NLGN1: variants seen among roughly 807,000 people sequenced by gnomAD.
The protein encoded by NLGN1 is neuroligin 1, also known as neuroligin-1.
Under a neutral mutation model 65.5 loss-of-function variants are expected in NLGN1, and 12 were observed. That is an observed-to-expected ratio of 0.18 (90% CI 0.12 to 0.30). NLGN1 has a LOEUF of 0.30. Ranked by LOEUF, NLGN1 falls within the 10% of genes least tolerant of loss-of-function variation. The pLI is 1.00. For synonymous variants in NLGN1, 350 were observed against 359.5 expected, an observed-to-expected ratio of 0.97 and a Z score of 0.30; for missense variants, 750 against 1,007.1, an observed-to-expected ratio of 0.74 and a Z score of 3.46.
At chr3:173,900,352 A>C (rs1042872182) in intron 4 of NLGN1, among the ~76,000 whole-genome samples, 11 of 152,032 alleles carry the variant, frequency 7.2e-5, no homozygotes, top group African/African-American at 2.7e-4. Context: ...GTTACAGTAG[A>C]GATGTGAATA....
chr3:173,706,113 A>G (rs971475126), intron 3 of NLGN1, among the ~76,000 whole-genome samples: 1 of 152,212 alleles, frequency 6.6e-6, no homozygotes, highest in Non-Finnish European at 1.5e-5. Context: ...AGTGTTAAAT[A>G]GAGCATGAGA....
intron 4 of NLGN1, among the ~76,000 whole-genome samples, chr3:173,968,575 A>C (rs969939728): frequency 1.3e-5 from 2 of 151,976 alleles, no homozygotes; most frequent in Non-Finnish European, 2.9e-5. Context: ...ACTTTATAGC[A>C]AGAATATATA....
chr3:174,267,587 T>C (rs1182796929), intron 4 of NLGN1, among the ~76,000 whole-genome samples: 1 of 152,110 alleles, frequency 6.6e-6, no homozygotes, highest in African/African-American at 2.4e-5. Context: ...TGTCCTCTTA[T>C]CTCATCTCGG....
chr3:173,506,652 C>A (rs1732086917), intron 2 of NLGN1, among the ~76,000 whole-genome samples: 1 of 152,052 alleles, frequency 6.6e-6, no homozygotes, highest in Non-Finnish European at 1.5e-5. Flanking sequence ...TATAAATACC[C>A]ATATTACATT....
At chr3:173,493,906 T>G (rs1729588874) in intron 2 of NLGN1, among the ~76,000 whole-genome samples, 1 of 151,772 alleles carries the variant, frequency 6.6e-6, no homozygotes, top group Admixed American at 6.6e-5. Flanking sequence ...TTCTAAAAAT[T>G]TATTAAAATT....
intron 1 of NLGN1, among the ~76,000 whole-genome samples, chr3:173,404,044 C>A (rs373590788): frequency 2.0e-5 from 3 of 152,156 alleles, no homozygotes; most frequent in African/African-American, 7.2e-5. Flanking sequence ...TATGGAGATA[C>A]ATATTGTAGT....
At chr3:173,517,872 C>T (rs1734107758) in intron 2 of NLGN1, among the ~76,000 whole-genome samples, 1 of 151,866 alleles carries the variant, frequency 6.6e-6, no homozygotes, top group South Asian at 2.1e-4. Flanking sequence ...TCATGAAGTT[C>T]CAATATATAG....
At chr3:173,508,627 C>A (rs1016483170) in intron 2 of NLGN1, among the ~76,000 whole-genome samples, 1 of 152,186 alleles carries the variant, frequency 6.6e-6, no homozygotes, top group Admixed American at 6.5e-5. Context: ...GAGCCCTCTA[C>A]TCCTGCCTTC....
chr3:173,451,686 C>T (rs1721562644), intron 2 of NLGN1, among the ~76,000 whole-genome samples: 1 of 152,194 alleles, frequency 6.6e-6, no homozygotes, highest in Admixed American at 6.5e-5. Context: ...GGCAGGCCTC[C>T]TTGAGCTGTG....
At chr3:173,824,983 G>A (rs76665614) in intron 4 of NLGN1, among the ~76,000 whole-genome samples, 3,261 of 152,108 alleles carry the variant, frequency 0.021, 150 homozygotes, top group African/African-American at 0.075. Flanking sequence ...AGTTTTGTGA[G>A]TATATAAAAA....
At chr3:174,182,602 G>A (rs1446013348) in intron 4 of NLGN1, among the ~76,000 whole-genome samples, 1 of 152,072 alleles carries the variant, frequency 6.6e-6, no homozygotes, top group Non-Finnish European at 1.5e-5. Flanking sequence ...GGGTGCCACT[G>A]GTCTGTAGGC....
intron 1 of NLGN1, among the ~76,000 whole-genome samples, chr3:173,429,854 C>T (rs1199217960): frequency 1.3e-5 from 2 of 152,126 alleles, no homozygotes; most frequent in African/African-American, 4.8e-5. Flanking sequence ...CCCACAGGGC[C>T]CCTGAAGTAC....
At chr3:174,261,921 T>C (rs2152859996) in intron 4 of NLGN1, among the ~76,000 whole-genome samples, 1 of 147,022 alleles carries the variant, frequency 6.8e-6, no homozygotes, top group East Asian at 2.0e-4. Flanking sequence ...CAAAGGCTTT[T>C]TCTGCATCTA....
chr3:174,148,687 A>G (rs1177217575), intron 4 of NLGN1, among the ~76,000 whole-genome samples: 1 of 152,210 alleles, frequency 6.6e-6, no homozygotes, highest in Admixed American at 6.5e-5. Context: ...AAATAGAATT[A>G]TTAAATAGAA....
chr3:173,838,924 AT>A (rs1724207562), intron 4 of NLGN1, among the ~76,000 whole-genome samples: 1 of 152,048 alleles, frequency 6.6e-6, no homozygotes, highest in Admixed American at 6.6e-5. Flanking sequence ...ATAGAAGTGT[AT>A]TTTTTTGGTA....
At chr3:174,285,407 G>A (rs1751996540) in exon 7 of NLGN1, 1 of 151,452 alleles carries the variant, frequency 6.6e-6, no homozygotes, top group Admixed American at 6.6e-5. Flanking sequence ...CAATTAATGG[G>A]CACTTCCCTG....
intron 4 of NLGN1, among the ~76,000 whole-genome samples, chr3:174,168,389 C>CTTTCTTT (rs1561205269): frequency 1.3e-4 from 20 of 152,044 alleles, no homozygotes; most frequent in African/African-American, 4.6e-4. Flanking sequence ...TTTTCTTCTT[C>CTTTCTTT]TTCTATAATA....
At chr3:173,844,272 C>T (rs1458528734) in intron 4 of NLGN1, among the ~76,000 whole-genome samples, 2 of 152,086 alleles carry the variant, frequency 1.3e-5, no homozygotes, top group African/African-American at 4.8e-5. Flanking sequence ...TATCACAGCC[C>T]TTGTTGTTTG....
At chr3:174,076,246 A>T (rs995419044) in intron 4 of NLGN1, among the ~76,000 whole-genome samples, 4 of 152,130 alleles carry the variant, frequency 2.6e-5, no homozygotes, top group Non-Finnish European at 4.4e-5. Flanking sequence ...ACATTTCTTT[A>T]CATATATGTA....
Sources: gnomAD v4.1 joint callset for allele counts (sites outside exome capture counted in the v4.1 genomes callset) on GRCh38, gnomAD v4.1.1 for gene constraint, MANE v1.5 for transcripts, NCBI Gene and HGNC (gene_info 2026-07-23, HGNC 2026-07-21) for gene names.